The following BHMT2 variants were observed in gnomAD, a reference collection of about 807,000 sequenced individuals.
The protein encoded by BHMT2 is betaine--homocysteine S-methyltransferase 2.
BHMT2 carries 28 observed loss-of-function variants against 39.0 expected under a neutral mutation model. The ratio of observed to expected loss-of-function variants is 0.72; its 90% CI spans 0.53 to 0.98. The LOEUF is 0.98. Ranked by LOEUF, BHMT2 falls within the 50% of genes least tolerant of loss-of-function variation. The pLI is 0.00. For synonymous variants in BHMT2, 145 were observed against 160.6 expected, an observed-to-expected ratio of 0.90 and a Z score of 0.74; for missense variants, 410 against 455.6, an observed-to-expected ratio of 0.90 and a Z score of 0.91.
intron 1 of BHMT2, among the ~76,000 whole-genome samples, chr5:79,073,411 T>C (rs1043392837): frequency 3.3e-5 from 5 of 152,224 alleles, no homozygotes; most frequent in Non-Finnish European, 7.3e-5. Context: ...TATTTGTTGA[T>C]TTATTGGCCT....
rs985781371 is a variant in BHMT2 at position 79,084,002 on chromosome 5, A to G, written c.1010+146A>G. 5.6e-6 allele frequency: 7 copies of G among 1,243,520 alleles called. No individual in the cohort carries two copies. The Admixed American group carries it at 1.9e-4, about 34-fold the overall frequency. The allele number at this position is 1,243,520 out of a possible 1,614,324, so 77.0% of individuals were successfully genotyped here. On this transcript the variant is annotated intron_variant, in intron 7 of 7. Coordinates refer to ENST00000255192, the MANE Select transcript of BHMT2 (RefSeq NM_017614.5). ...TTATCCCCTTCCTGATACCAGCTCC[A>G]TTCCCAAAATTGTCTTTAGTCCATT...
At position 79,082,838 on chromosome 5, in the gene BHMT2, G is replaced by C; in HGVS notation, c.480G>C (p.Trp160Cys). 6.2e-7 allele frequency: 1 copy of C among 1,614,144 alleles called. No individual in the cohort carries two copies. The highest frequency in any genetic ancestry group is 1.1e-5 in the South Asian group (1 of 91,072). ...TTGAGCACGTTGAAGAAGCTGTGTG[G>C]GCTGTGGAAGTCTTAAAAGAATCAG... The part of the protein sequence containing the change: ...EYFEHVEEAV[W>C]AVEVLKESDR... The change falls in exon 5 of 8, where the codon TGG becomes TGC. Residue 160 changes from tryptophan to cysteine, a missense_variant. Trp to Cys is a radical substitution (Grantham distance 215). Transcript: ENST00000255192.
At chr5:79,087,893 T>C (rs909821383) in intron 7 of BHMT2, among the ~76,000 whole-genome samples, 1 of 152,200 alleles carries the variant, frequency 6.6e-6, no homozygotes, top group Non-Finnish European at 1.5e-5. Context: ...GTATGTGAAA[T>C]GTAAGGCTGG....
intron 1 of BHMT2, among the ~76,000 whole-genome samples, chr5:79,075,377 A>G (rs946138998): frequency 4.6e-5 from 7 of 151,948 alleles, no homozygotes; most frequent in Non-Finnish European, 8.8e-5. Context: ...GCTTAGTTTT[A>G]CCCTACACCC....
At chr5:79,070,395 C>A (rs1299798743) in intron 1 of BHMT2, among the ~76,000 whole-genome samples, 1 of 152,132 alleles carries the variant, frequency 6.6e-6, no homozygotes, top group Non-Finnish European at 1.5e-5. Flanking sequence ...CACCCCTCAA[C>A]CTCCTCTCAC....
rs150345870 is a variant in BHMT2 at position 79,070,832 on chromosome 5, C to T, written c.33+1017C>T. On this transcript the variant is annotated intron_variant, in intron 1 of 7. Coordinates refer to ENST00000255192, the MANE Select transcript of BHMT2 (RefSeq NM_017614.5). The stretch of plus-strand genomic sequence containing the variant: ...AAATATATCACAAACTGATCCCAAC[C>T]ATATACAAATATTTATATACACACT... Among the ~76,000 whole-genome samples the T allele has an allele frequency of 6.1e-3, 928 of 152,250 alleles. 8 individuals carry two copies. Among genetic ancestry groups the T allele is most frequent in the African/African-American group, 0.021 (874 of 41,536 alleles).
At chr5:79,073,153 G>A (rs1466105689) in intron 1 of BHMT2, among the ~76,000 whole-genome samples, 1 of 151,890 alleles carries the variant, frequency 6.6e-6, no homozygotes, top group Non-Finnish European at 1.5e-5. Flanking sequence ...TAGTAGAGAT[G>A]GAGTTTCACC....
rs536623621 is a variant in BHMT2, at chr5:79,088,691, C to A, written c.*117C>A. On this transcript the variant is annotated 3_prime_UTR_variant, in exon 8 of 8. Transcript: ENST00000255192. Reference sequence around the variant, plus strand: ...TGCCCTGCTATCTCCAGCTGCTGAGCAGCTGAGGTGCTGCAGCCCCTTCCC... The same window carrying A: ...TGCCCTGCTATCTCCAGCTGCTGAGAAGCTGAGGTGCTGCAGCCCCTTCCC... 9 of 767,610 alleles carry A rather than the reference C, an allele frequency of 1.2e-5. No homozygotes were observed. In the African/African-American group the frequency reaches 1.4e-4, roughly 12 times the overall value. 47.5% of individuals were successfully genotyped at this position (767,610 alleles called of 1,614,324 possible). A position where few individuals can be genotyped will look rare whatever the true frequency, so the allele number is the denominator to read the frequency against.
intron 7 of BHMT2, among the ~76,000 whole-genome samples, chr5:79,086,699 A>G (rs1755902491): frequency 6.6e-6 from 1 of 152,126 alleles, no homozygotes; most frequent in African/African-American, 2.4e-5. Context: ...AATCCATGCC[A>G]TATTTCAATT....
rs2112708281 is a variant in BHMT2, at chr5:79,089,162, T to C, written c.*588T>C. 1 of 152,304 alleles carries C rather than the reference T, an allele frequency of 6.6e-6. No individual in the cohort carries two copies. The highest frequency in any genetic ancestry group is 3.4e-3 in the Middle Eastern group (1 of 294). The allele number at this position is 152,304 out of a possible 1,614,324, so 9.4% of individuals were successfully genotyped here. A position where few individuals can be genotyped will look rare whatever the true frequency, so the allele number is the denominator to read the frequency against. ...CAAAGATGATTTTTACTTAAAGATA[T>C]TAGGTCTGGCCAGGCGAAGTGACTC... On this transcript the variant is annotated 3_prime_UTR_variant, in exon 8 of 8. Coordinates refer to ENST00000255192, the MANE Select transcript of BHMT2 (RefSeq NM_017614.5).
At chr5:79,085,124 A>C (rs977809602) in intron 7 of BHMT2, among the ~76,000 whole-genome samples, 5 of 152,206 alleles carry the variant, frequency 3.3e-5, no homozygotes, top group African/African-American at 1.2e-4. Context: ...CTTTCTCTGT[A>C]GGTTGATCCT....
intron 4 of BHMT2, among the ~76,000 whole-genome samples, chr5:79,081,375 T>C (rs1188677038): frequency 6.6e-6 from 1 of 152,214 alleles, no homozygotes; most frequent in Non-Finnish European, 1.5e-5. Flanking sequence ...CTCTCTGCTT[T>C]CACTCAAGCT....
Position 79,083,242 on chromosome 5 carries a change from A to G in BHMT2, c.649A>G (p.Lys217Glu). ...NCRFGPDTSLKTMELMKEGLE... is the reference protein window; with the variant it reads ...NCRFGPDTSLETMELMKEGLE... ...CCGCTTTGGGCCCGACACCAGCTTG[A>G]AGACGATGGAGCTCATGAAGGAGGG... Residue 217 changes from lysine to glutamate, a missense_variant, in exon 6 of 8, where the codon AAG becomes GAG. By Grantham distance (56) the Lys-to-Glu change is moderately conservative (BLOSUM62 1). Transcript: ENST00000255192. The G allele has an allele frequency of 6.2e-7, 1 of 1,614,178 alleles. No homozygotes were observed. Among genetic ancestry groups the G allele is most frequent in the Non-Finnish European group, 8.5e-7 (1 of 1,180,042 alleles).
chr5:79,083,261 A>T lies in BHMT2; in HGVS notation c.668A>T (p.Lys223Met). The part of the protein sequence containing the change: ...DTSLKTMELM[K>M]EGLEWAGLKA... The stretch of plus-strand genomic sequence containing the variant: ...AGCTTGAAGACGATGGAGCTCATGA[A>T]GGAGGGTCTTGAGTGGGCAGGGCTG... The change falls in exon 6 of 8, where the codon AAG becomes ATG. Residue 223 changes from lysine (K) to methionine (M), a missense_variant. Coordinates refer to ENST00000255192, the MANE Select transcript of BHMT2 (RefSeq NM_017614.5). 1 of 1,614,192 alleles carries T rather than the reference A, an allele frequency of 6.2e-7. No homozygotes were observed. Among genetic ancestry groups the T allele is most frequent in the Non-Finnish European group, 8.5e-7 (1 of 1,180,034 alleles).
chr5:79,072,534 A>G (rs1755598692), intron 1 of BHMT2, among the ~76,000 whole-genome samples: 1 of 152,224 alleles, frequency 6.6e-6, no homozygotes, highest in Non-Finnish European at 1.5e-5. Flanking sequence ...TAGTTTCTTA[A>G]GTGTCTACTC....
At chr5:79,081,474 CT>C (rs1755787905) in intron 4 of BHMT2, among the ~76,000 whole-genome samples, 1 of 152,222 alleles carries the variant, frequency 6.6e-6, no homozygotes, top group South Asian at 2.1e-4. Flanking sequence ...CTTTCCTCCA[CT>C]TCCAAAACGA....
Position 79,070,479 on chromosome 5 carries a change from C to T in BHMT2, c.33+664C>T, listed in dbSNP as rs542580190. 2.0e-5 allele frequency among the ~76,000 whole-genome samples: 3 copies of T among 152,216 alleles called. No homozygotes were observed. The South Asian group carries it at 6.2e-4, about 32-fold the overall frequency. ...TTGGCTTTATGCCCAGCCATTTCTA[C>T]GTCGAGTATGTGTGGGGGTGGGATG... On this transcript the variant is annotated intron_variant, in intron 1 of 7. Coordinates refer to ENST00000255192, the MANE Select transcript of BHMT2 (RefSeq NM_017614.5).
chr5:79,085,280 G>C (rs948550770), intron 7 of BHMT2, among the ~76,000 whole-genome samples: 4 of 152,144 alleles, frequency 2.6e-5, no homozygotes, highest in Non-Finnish European at 5.9e-5. Flanking sequence ...TCCTTCGTTT[G>C]TTCCTACTTG....
intron 1 of BHMT2, among the ~76,000 whole-genome samples, chr5:79,074,723 T>C (rs1021667931): frequency 2.6e-5 from 4 of 152,148 alleles, no homozygotes; most frequent in Non-Finnish European, 4.4e-5. Flanking sequence ...CCAAAATCTG[T>C]TCCCCCTCCT....
Sources: allele counts gnomAD v4.1 joint callset (sites outside exome capture counted in the v4.1 genomes callset), GRCh38; gene constraint gnomAD v4.1.1; transcripts MANE v1.5; gene names NCBI Gene and HGNC (gene_info 2026-07-23, HGNC 2026-07-21).